CRADD: variants seen among roughly 807,000 people sequenced by gnomAD.
CRADD encodes death domain-containing protein CRADD.
In CRADD, 9 loss-of-function variants were observed where a neutral mutation model predicts 15.5. The observed-to-expected ratio is 0.58, with a 90% confidence interval of 0.35 to 1.01. The LOEUF is 1.01. Among genes scored for constraint, CRADD ranks in the 50% least tolerant of loss-of-function variants. CRADD has a pLI of 0.02. For synonymous variants in CRADD, 118 were observed against 107.6 expected (o/e 1.10, Z -0.60); for missense variants, 227 against 250.3 (o/e 0.91, Z 0.63).
At chr12:93,865,780 A>G (rs1039866298) in intron 2 of CRADD, among the ~76,000 whole-genome samples, 9 of 151,988 alleles carry the variant, frequency 5.9e-5, no homozygotes, top group Non-Finnish European at 5.9e-5. Context: ...CAGTTGTTAT[A>G]CTGTCTTGTT....
intron 2 of CRADD, among the ~76,000 whole-genome samples, chr12:93,871,535 T>C (rs1376145265): frequency 6.6e-6 from 1 of 152,178 alleles, no homozygotes. Flanking sequence ...TTGTGTCCAT[T>C]AACTATCCTT....
chr12:93,700,556 G>C (rs1318656951), intron 2 of CRADD, among the ~76,000 whole-genome samples: 1 of 151,922 alleles, frequency 6.6e-6, no homozygotes, highest in African/African-American at 2.4e-5. Flanking sequence ...TCAGCCTCCC[G>C]AGTAGCTGGA....
intron 2 of CRADD, among the ~76,000 whole-genome samples, chr12:93,791,525 G>A (rs961160818): frequency 6.6e-6 from 1 of 152,160 alleles, no homozygotes; most frequent in Admixed American, 6.6e-5. Flanking sequence ...GCTGGGGGTT[G>A]GGGTGGAGGG....
At chr12:93,793,401 T>G (rs1592995479) in intron 2 of CRADD, among the ~76,000 whole-genome samples, 1 of 152,232 alleles carries the variant, frequency 6.6e-6, no homozygotes, top group East Asian at 1.9e-4. Context: ...GAAGGACCTG[T>G]GCTTTGCTGG....
intron 2 of CRADD, among the ~76,000 whole-genome samples, chr12:93,768,779 C>T (rs1171857668): frequency 3.3e-5 from 5 of 152,118 alleles, no homozygotes; most frequent in South Asian, 2.1e-4. Context: ...ATTTACTGCC[C>T]TCTACTTAGG....
chr12:93,681,500 A>T, intron 2 of CRADD, among the ~76,000 whole-genome samples: 1 of 152,188 alleles, frequency 6.6e-6, no homozygotes, highest in East Asian at 1.9e-4. Flanking sequence ...TTTGATTTAT[A>T]TATGTCTTTG....
chr12:93,893,628 G>T (rs1248843514), intron 2 of CRADD, among the ~76,000 whole-genome samples: 1 of 152,216 alleles, frequency 6.6e-6, no homozygotes, highest in Non-Finnish European at 1.5e-5. Context: ...GCACTAGGCT[G>T]GGCGCAGTGG....
chr12:93,865,686 G>A (rs1593052426), intron 2 of CRADD, among the ~76,000 whole-genome samples: 2 of 152,324 alleles, frequency 1.3e-5, no homozygotes, highest in South Asian at 2.1e-4. Context: ...AATTATGTGA[G>A]TTACCATGCC....
In CRADD at chr12:93,800,242, C is replaced by T. The variant is rs73363171; in HGVS notation, c.299-49728C>T. Among the ~76,000 whole-genome samples the T allele has an allele frequency of 1.0e-3, 155 of 152,160 alleles. 1 individual carries two copies. The highest frequency in any genetic ancestry group is 3.5e-3 in the African/African-American group (144 of 41,530). On this transcript the variant is annotated intron_variant, in intron 2 of 2. Coordinates refer to ENST00000332896, the MANE Select transcript of CRADD (RefSeq NM_003805.5). ...GGGTGTATAGGGTGGATATAGTATA[C>T]GTCCCAGTCAGTGTTGGAATGTCCA...
intron 2 of CRADD, among the ~76,000 whole-genome samples, chr12:93,697,186 T>G (rs1020759751): frequency 4.6e-5 from 7 of 152,198 alleles, no homozygotes; most frequent in African/African-American, 1.7e-4. Flanking sequence ...ATCCCCATTG[T>G]GGTGGTATTA....
intron 2 of CRADD, among the ~76,000 whole-genome samples, chr12:93,810,084 A>C (rs1474156956): frequency 6.6e-6 from 1 of 152,208 alleles, no homozygotes; most frequent in Non-Finnish European, 1.5e-5. Flanking sequence ...AGACCATATT[A>C]ACTCTGAAAA....
chr12:93,879,882 C>T (rs1263364819), intron 2 of CRADD, among the ~76,000 whole-genome samples: 2 of 152,200 alleles, frequency 1.3e-5, no homozygotes, highest in Non-Finnish European at 2.9e-5. Context: ...CAATACACTT[C>T]TACCCTGTCC....
At chr12:93,843,784 G>A (rs556574682) in intron 2 of CRADD, among the ~76,000 whole-genome samples, 133 of 151,240 alleles carry the variant, frequency 8.8e-4, no homozygotes, top group Middle Eastern at 3.4e-3. Flanking sequence ...GCAGTGATGC[G>A]ATCTCAGCTC....
At chr12:93,770,240 C>A (rs1350203891) in intron 2 of CRADD, among the ~76,000 whole-genome samples, 1 of 151,450 alleles carries the variant, frequency 6.6e-6, no homozygotes, top group Non-Finnish European at 1.5e-5. Flanking sequence ...GGACTACAGG[C>A]GCCCGCCATC....
At chr12:93,883,515 A>G (rs1327943818) in intron 2 of CRADD, among the ~76,000 whole-genome samples, 1 of 152,202 alleles carries the variant, frequency 6.6e-6, no homozygotes, top group East Asian at 1.9e-4. Flanking sequence ...CTCAGACCTC[A>G]AGGACTGAGA....
At chr12:93,840,181 T>C (rs757792850) in intron 2 of CRADD, among the ~76,000 whole-genome samples, 1 of 152,206 alleles carries the variant, frequency 6.6e-6, no homozygotes, top group Admixed American at 6.5e-5. Context: ...CTTTATATTA[T>C]AACAATGTCA....
chr12:93,755,616 T>C (rs934031742), intron 2 of CRADD, among the ~76,000 whole-genome samples: 1 of 152,196 alleles, frequency 6.6e-6, no homozygotes, highest in Non-Finnish European at 1.5e-5. Context: ...CCCACAGGCG[T>C]ACCTCCTTTA....
downstream of CRADD, among the ~76,000 whole-genome samples, chr12:93,852,545 G>A (rs563080249): frequency 3.9e-5 from 6 of 152,358 alleles, no homozygotes; most frequent in Non-Finnish European, 8.8e-5. Flanking sequence ...CTGCTCACGT[G>A]CTTGCAGAAG....
intron 2 of CRADD, among the ~76,000 whole-genome samples, chr12:93,858,599 T>C (rs1958293694): frequency 6.6e-6 from 1 of 152,238 alleles, no homozygotes; most frequent in South Asian, 2.1e-4. Context: ...AGTCTCTCTC[T>C]GACCTTCTGC....
Sources: allele counts gnomAD v4.1 joint callset (sites outside exome capture counted in the v4.1 genomes callset), GRCh38; gene constraint gnomAD v4.1.1; transcripts MANE v1.5; gene names NCBI Gene and HGNC (gene_info 2026-07-23, HGNC 2026-07-21).